Variants in CPT1A observed in about 807,000 individuals in gnomAD.
The protein encoded by CPT1A is carnitine O-palmitoyltransferase 1, liver isoform.
Under a neutral mutation model 100.8 loss-of-function variants are expected in CPT1A, and 64 were observed. The observed-to-expected ratio is 0.63, with a 90% CI of 0.52 to 0.78. The LOEUF is 0.78. CPT1A is among the 30% of genes least tolerant of loss of function. CPT1A has a pLI of 0.00. For synonymous variants in CPT1A, 363 were observed against 396.0 expected, an observed-to-expected ratio of 0.92 and a Z score of 0.99; for missense variants, 802 against 1,034.1, an observed-to-expected ratio of 0.78 and a Z score of 3.08.
intron 14 of CPT1A, among the ~76,000 whole-genome samples, chr11:68,770,009 G>A (rs1291965827): frequency 1.3e-5 from 2 of 150,858 alleles, no homozygotes; most frequent in African/African-American, 4.9e-5. Flanking sequence ...GCAGTGAGCC[G>A]AGATCGTGCC....
chr11:68,809,585 G>A (rs983623336), intron 3 of CPT1A, among the ~76,000 whole-genome samples: 1 of 151,712 alleles, frequency 6.6e-6, no homozygotes, highest in African/African-American at 2.4e-5. Context: ...CTCCTGCCTC[G>A]GCCTCCCAAA....
Position 68,793,307 on chromosome 11 carries a change from T to C in CPT1A, c.967+8A>G, listed in dbSNP as rs781380473. Reference sequence around the variant, plus strand: ...TTCTCCAGGGGGCCCTGAAGAAGCTTGACTCACCTGTCTCCTCTCCTGGGA... The same window carrying C: ...TTCTCCAGGGGGCCCTGAAGAAGCTCGACTCACCTGTCTCCTCTCCTGGGA... On this transcript the variant is annotated splice_region_variant and intron_variant, in intron 9 of 18. Transcript: ENST00000265641. The C allele has an allele frequency of 1.2e-6, 2 of 1,605,772 alleles. No homozygotes were observed. The highest frequency in any genetic ancestry group is 1.7e-5 in the Admixed American group (1 of 59,566).
At chr11:68,769,836 G>A (rs1331457130) in intron 14 of CPT1A, among the ~76,000 whole-genome samples, 1 of 152,048 alleles carries the variant, frequency 6.6e-6, no homozygotes, top group Non-Finnish European at 1.5e-5. Context: ...ATCACTTGAG[G>A]TCAGGAGCTC....
chr11:68,797,161 C>T (rs1011265147), intron 6 of CPT1A, among the ~76,000 whole-genome samples: 1 of 152,164 alleles, frequency 6.6e-6, no homozygotes, highest in Non-Finnish European at 1.5e-5. Context: ...AAAGAAGGTA[C>T]ATCACCTTCA....
chr11:68,779,343 T>C (rs941703609), intron 12 of CPT1A, among the ~76,000 whole-genome samples: 1 of 152,104 alleles, frequency 6.6e-6, no homozygotes, highest in Non-Finnish European at 1.5e-5. Flanking sequence ...GTGACCACAG[T>C]ATTTTCTGTG....
At position 68,807,549 on chromosome 11, in the gene CPT1A, T is replaced by C; in HGVS notation, c.371A>G (p.Tyr124Cys). Residue 124 changes from tyrosine to cysteine, a missense_variant, in exon 4 of 19, where the codon TAC becomes TGC. By Grantham distance (194) the Tyr-to-Cys change is radical. This residue lies in a region of CPT1A where 161 missense variants were observed against 183.7 expected (regional missense o/e 0.88). Transcript: ENST00000265641. ...GTAGGAGAGCAGCACTTTCAGGGAG[T>C]AGCGCATGGTGACGATGAGGGCCAC... The part of the protein sequence containing the change: ...LWVALIVTMR[Y>C]SLKVLLSYHG... The C allele has an allele frequency of 2.5e-6, 4 of 1,613,602 alleles. No individual in the cohort carries two copies. Among genetic ancestry groups the C allele is most frequent in the Non-Finnish European group, 3.4e-6 (4 of 1,179,898 alleles).
chr11:68,817,835 T>TG (rs1174145522), intron 1 of CPT1A, among the ~76,000 whole-genome samples: 4 of 146,828 alleles, frequency 2.7e-5, no homozygotes, highest in Admixed American at 2.7e-4. Context: ...AGCAGGTGTC[T>TG]GGGGTCAAAG....
At chr11:68,841,989 C>CGGCGG (rs1857172287), upstream of CPT1A, 2 of 984,622 alleles carry the variant, frequency 2.0e-6, no homozygotes, top group Admixed American at 6.2e-5. This position sits in a 1 kb window ranked among gnomAD's most constrained non-coding sequence, Gnocchi z 6.3. Flanking sequence ...CCCGGGGCCT[C>CGGCGG]GGCGGGGCGG....
At position 68,780,756 on chromosome 11, in the gene CPT1A, C is replaced by T. The variant is rs1052085307; in HGVS notation, c.1353-11G>A. On this transcript the variant is annotated splice_polypyrimidine_tract_variant and intron_variant, in intron 11 of 18. Coordinates refer to ENST00000265641, the MANE Select transcript of CPT1A (RefSeq NM_001876.4). ...GACTTGTCAAACCACCTACGTGAAA[C>T]ACACATGTGTGGAACTTAAGTGTTT... 6.2e-7 allele frequency: 1 copy of T among 1,610,524 alleles called. No individual in the cohort carries two copies. Among genetic ancestry groups the T allele is most frequent in the South Asian group, 1.1e-5 (1 of 90,996 alleles).
At chr11:68,765,291 G>T (rs1294753205) in intron 14 of CPT1A, among the ~76,000 whole-genome samples, 1 of 152,176 alleles carries the variant, frequency 6.6e-6, no homozygotes. Flanking sequence ...TAAGTTATGA[G>T]AACAGTCATG....
At chr11:68,759,136 G>A (rs960101217) in intron 18 of CPT1A, among the ~76,000 whole-genome samples, 1 of 151,634 alleles carries the variant, frequency 6.6e-6, no homozygotes, top group Non-Finnish European at 1.5e-5. Context: ...GCTCATGCCT[G>A]TAATCTCAGC....
At chr11:68,818,667 TG>T in intron 1 of CPT1A, 1 of 152,472 alleles carries the variant, frequency 6.6e-6, no homozygotes. Flanking sequence ...AAGACCAGCC[TG>T]GGCAACATGG....
intron 1 of CPT1A, among the ~76,000 whole-genome samples, chr11:68,820,323 T>A (rs551466146): frequency 6.6e-6 from 1 of 151,490 alleles, no homozygotes; most frequent in Admixed American, 6.6e-5. Flanking sequence ...TGAGCCACCA[T>A]GTCTAGTGAT....
chr11:68,792,788 C>A (rs1265219509), intron 9 of CPT1A, among the ~76,000 whole-genome samples: 1 of 152,258 alleles, frequency 6.6e-6, no homozygotes, highest in Admixed American at 6.5e-5. Context: ...GTGACTCACG[C>A]CTGTAATCCC....
chr11:68,842,966 C>A (rs1857189690), upstream of CPT1A, among the ~76,000 whole-genome samples: 2 of 152,374 alleles, frequency 1.3e-5, no homozygotes, highest in South Asian at 4.1e-4. Context: ...TGAACAAAGA[C>A]TCTTTTAAAC....
In CPT1A at chr11:68,775,422, G is replaced by A. The variant is rs1195008975; in HGVS notation, c.1469C>T (p.Ser490Phe). The A allele has an allele frequency of 6.2e-7, 1 of 1,613,364 alleles. No individual in the cohort carries two copies. The highest frequency in any genetic ancestry group is 1.1e-5 in the South Asian group (1 of 91,068). ...IVAHLWEYVM[S>F]IDSLQLGYAE... is the part of the protein sequence containing the mutation. ...ATAGCCCAGCTGGAGGCTGTCAATGGACATGACGTACTGTCAAAAATAGAA... is the reference window on the plus strand; with the variant it reads ...ATAGCCCAGCTGGAGGCTGTCAATGAACATGACGTACTGTCAAAAATAGAA... Residue 490 changes from serine to phenylalanine, a missense_variant, in exon 13 of 19, where the codon TCC becomes TTC. Around this residue, in one of 4 missense-constraint regions of CPT1A, gnomAD observed 627 missense variants for 799.3 expected, o/e 0.78. Coordinates refer to ENST00000265641, the MANE Select transcript of CPT1A (RefSeq NM_001876.4).
intron 12 of CPT1A, among the ~76,000 whole-genome samples, chr11:68,776,019 A>C (rs959516860): frequency 2.6e-5 from 4 of 152,276 alleles, no homozygotes; most frequent in Non-Finnish European, 5.9e-5. Context: ...TGGTCAATCC[A>C]TACAATGAGA....
intron 7 of CPT1A, among the ~76,000 whole-genome samples, chr11:68,795,335 T>C (rs750263752): frequency 3.3e-5 from 5 of 152,172 alleles, no homozygotes; most frequent in Admixed American, 3.3e-4. Context: ...TTTTCCACAA[T>C]TGGAAGAAAA....
rs758459084 is a variant in CPT1A, at chr11:68,775,323, G to A, written c.1568C>T (p.Pro523Leu). The A allele has an allele frequency of 2.5e-5, 41 of 1,612,394 alleles. No individual in the cohort carries two copies. The highest frequency in any genetic ancestry group is 4.5e-5 in the East Asian group (2 of 44,856). Residue 523 changes from proline to leucine, a missense_variant, in exon 13 of 19, where the codon CCG becomes CTG. Physicochemically the swap from Pro to Leu is moderately conservative, Grantham distance 98 (BLOSUM62 -3). Transcript: ENST00000265641. ...PYPTRLQWDIPGECQEVIETS... is the reference protein window; with the variant it reads ...PYPTRLQWDILGECQEVIETS... The stretch of plus-strand genomic sequence containing the variant: ...TGGATAATCCGGACTTACTTCCCCC[G>A]GGATGTCCCACTGCAGCCTGGTGGG...
Sources: gnomAD v4.1 joint callset for allele counts (sites outside exome capture counted in the v4.1 genomes callset) on GRCh38, gnomAD v4.1.1 for gene constraint, gnomAD v4.1.1 regional missense constraint, Gnocchi (gnomAD v3.1) non-coding constraint, MANE v1.5 for transcripts, NCBI Gene and HGNC (gene_info 2026-07-23, HGNC 2026-07-21) for gene names.